The following ENPP2 variants were observed in gnomAD, a reference collection of about 807,000 sequenced individuals.
ENPP2 encodes autotaxin.
A neutral mutation model predicts 120.2 loss-of-function variants in ENPP2; 51 were observed. The observed-to-expected ratio is 0.42, with a 90% confidence interval of 0.34 to 0.54. The LOEUF (loss-of-function observed/expected upper bound fraction) is 0.54. Among genes scored for constraint, ENPP2 ranks in the 20% least tolerant of loss-of-function variants. The pLI is 0.04. For synonymous variants in ENPP2, 365 were observed against 366.4 expected, an observed-to-expected ratio of 1.00 and a Z score of 0.04; for missense variants, 920 against 1,066.5, an observed-to-expected ratio of 0.86 and a Z score of 1.91.
chr8:119,659,999 C>T (rs1247710839), intron 1 of ENPP2, among the ~76,000 whole-genome samples: 1 of 152,088 alleles, frequency 6.6e-6, no homozygotes, highest in Non-Finnish European at 1.5e-5. Flanking sequence ...CCCTGGCTGG[C>T]CAAGGGACTA....
chr8:119,559,903 A>T (rs2129873982), intron 24 of ENPP2, among the ~76,000 whole-genome samples: 1 of 152,248 alleles, frequency 6.6e-6, no homozygotes, highest in Non-Finnish European at 1.5e-5. Flanking sequence ...TGAACAGGTG[A>T]CCCTTCAACG....
At chr8:119,565,345 C>A (rs1370260841) in intron 22 of ENPP2, among the ~76,000 whole-genome samples, 2 of 152,064 alleles carry the variant, frequency 1.3e-5, no homozygotes, top group Non-Finnish European at 2.9e-5. Flanking sequence ...CTTACTCTTT[C>A]TTCTCGTCCT....
At chr8:119,643,151 T>A (rs889727919), upstream of ENPP2, among the ~76,000 whole-genome samples, 1 of 152,232 alleles carries the variant, frequency 6.6e-6, no homozygotes, top group African/African-American at 2.4e-5. Flanking sequence ...TTATTCTATC[T>A]TAAAAGTCTG....
rs573767269 is a variant in ENPP2 at position 119,605,430 on chromosome 8, A to ATGTGTGTGTGTGTGTG, written c.833+2476_833+2491dup. Among the ~76,000 whole-genome samples the ATGTGTGTGTGTGTGTG allele has an allele frequency of 6.4e-3, 850 of 133,794 alleles. 9 individuals are homozygous for ATGTGTGTGTGTGTGTG. The highest frequency in any genetic ancestry group is 0.023 in the African/African-American group (794 of 34,444). The allele number at this position is 133,794 out of a possible 152,430, so 87.8% of individuals were successfully genotyped here. Reference sequence around the variant, plus strand: ...ACATCCCATGATGAAGATACCATATATGTGTGTGTGTGTGTGTGTGTGTGT... The same window carrying ATGTGTGTGTGTGTGTG: ...ACATCCCATGATGAAGATACCATATATGTGTGTGTGTGTGTGTGTGTGTGTGTGTGTGTGTGTGTGT... On this transcript the variant is annotated intron_variant, in intron 9 of 24. Transcript: ENST00000075322.
chr8:119,621,782 T>G (rs16892887), intron 3 of ENPP2, among the ~76,000 whole-genome samples: 5,034 of 152,278 alleles, frequency 0.033, 253 homozygotes, highest in African/African-American at 0.11. Flanking sequence ...CAAGCAAGTA[T>G]CCCTACGATT....
At chr8:119,559,987 G>C (rs1445085775) in intron 24 of ENPP2, among the ~76,000 whole-genome samples, 2 of 152,114 alleles carry the variant, frequency 1.3e-5, no homozygotes, top group African/African-American at 2.4e-5. Context: ...AGTAGGGAGA[G>C]GAAAACCTGT....
intron 9 of ENPP2, 59 bp from the exon 10 acceptor site, chr8:119,601,521 T>C (rs911888112): frequency 8.5e-6 from 11 of 1,298,866 alleles, no homozygotes; most frequent in Non-Finnish European, 1.2e-5. Context: ...AACTCAAGCC[T>C]GAGGAGTGCT....
At chr8:119,561,743 A>G (rs997334753) in intron 24 of ENPP2, among the ~76,000 whole-genome samples, 5 of 152,014 alleles carry the variant, frequency 3.3e-5, no homozygotes, top group Non-Finnish European at 5.9e-5. Context: ...CTAGTAGCAA[A>G]CCTGATTAGT....
At chr8:119,624,482 T>TA (rs1036035085) in intron 3 of ENPP2, among the ~76,000 whole-genome samples, 3 of 151,978 alleles carry the variant, frequency 2.0e-5, no homozygotes, top group Admixed American at 6.6e-5. Flanking sequence ...TATTTAAATT[T>TA]AAAAAAAATG....
At chr8:119,635,050 G>A (rs890917385) in intron 2 of ENPP2, among the ~76,000 whole-genome samples, 2 of 152,166 alleles carry the variant, frequency 1.3e-5, no homozygotes, top group Non-Finnish European at 2.9e-5. Context: ...CAGAGCAAAT[G>A]GCTGATCTAC....
At chr8:119,666,696 C>T (rs1271525749) in intron 1 of ENPP2, among the ~76,000 whole-genome samples, 2 of 151,698 alleles carry the variant, frequency 1.3e-5, no homozygotes, top group East Asian at 3.9e-4. Context: ...AGGAGCATCA[C>T]TTGAACCCAG....
intron 24 of ENPP2, among the ~76,000 whole-genome samples, chr8:119,561,640 A>C (rs1189941334): frequency 6.6e-6 from 1 of 152,158 alleles, no homozygotes; most frequent in Non-Finnish European, 1.5e-5. Context: ...TCATGATGCC[A>C]TCCTGCATCC....
chr8:119,626,298 GAAACAA>G (rs1816270010), intron 3 of ENPP2, among the ~76,000 whole-genome samples: 2 of 152,180 alleles, frequency 1.3e-5, no homozygotes, highest in East Asian at 3.9e-4. Flanking sequence ...TGAAGGTGAA[GAAACAA>G]AAACAAAAAC....
chr8:119,631,125 A>C (rs1434797459), intron 2 of ENPP2, among the ~76,000 whole-genome samples: 1 of 140,494 alleles, frequency 7.1e-6, no homozygotes, highest in Admixed American at 7.4e-5. Flanking sequence ...TGAACTCCTG[A>C]CCTCGTGATC....
At chr8:119,580,699 C>T (rs1215917264) in intron 18 of ENPP2, 1 of 152,480 alleles carries the variant, frequency 6.6e-6, no homozygotes, top group Non-Finnish European at 1.5e-5. Flanking sequence ...TAAGAGCTAA[C>T]ATTTGCAAAT....
At chr8:119,673,105 G>C in intron 1 of ENPP2, 1 of 659,582 alleles carries the variant, frequency 1.5e-6, no homozygotes, top group Non-Finnish European at 2.6e-6. Flanking sequence ...AATTGCTCCA[G>C]CTGAGTGCAC....
chr8:119,603,856 T>A (rs1814491760), intron 9 of ENPP2, among the ~76,000 whole-genome samples: 1 of 152,120 alleles, frequency 6.6e-6, no homozygotes, highest in Non-Finnish European at 1.5e-5. Flanking sequence ...GGGGGAAAGA[T>A]AAGCAAGTGA....
At chr8:119,606,477 G>A (rs1814726057) in intron 9 of ENPP2, among the ~76,000 whole-genome samples, 1 of 152,048 alleles carries the variant, frequency 6.6e-6, no homozygotes, top group Admixed American at 6.6e-5. Context: ...ACTTCTATGA[G>A]CGTCTATGAC....
intron 3 of ENPP2, among the ~76,000 whole-genome samples, chr8:119,622,859 G>T (rs1390227662): frequency 6.6e-6 from 1 of 151,944 alleles, no homozygotes; most frequent in African/African-American, 2.4e-5. Flanking sequence ...TGTCTTCATG[G>T]AGCTTACATT....
Sources: gnomAD v4.1 joint callset for allele counts (sites outside exome capture counted in the v4.1 genomes callset) on GRCh38, gnomAD v4.1.1 for gene constraint, MANE v1.5 for transcripts, NCBI Gene and HGNC (gene_info 2026-07-23, HGNC 2026-07-21) for gene names.